The following FXR2 variants were observed in gnomAD, a reference collection of about 807,000 sequenced individuals.
The protein encoded by FXR2 is RNA-binding protein FXR2.
A neutral mutation model predicts 87.3 loss-of-function variants in FXR2; 9 were observed. That is an observed-to-expected ratio of 0.10 (90% confidence interval 0.06 to 0.18). The LOEUF (loss-of-function observed/expected upper bound fraction) is 0.18. Among genes scored for constraint, FXR2 ranks in the 10% least tolerant of loss-of-function variants. The pLI, the probability that FXR2 is intolerant of heterozygous loss-of-function variation, is 1.00. For synonymous variants in FXR2, 331 were observed against 328.3 expected, an observed-to-expected ratio of 1.01 and a Z score of -0.09; for missense variants, 661 against 893.6, an observed-to-expected ratio of 0.74 and a Z score of 3.32.
chr17:7,592,621 G>A lies in FXR2; in HGVS notation c.1730-22C>T, dbSNP rs780223151. 132 of 1,613,056 alleles carry A rather than the reference G, an allele frequency of 8.2e-5. 3 individuals are homozygous for A. Among genetic ancestry groups the A allele is most frequent in the South Asian group, 7.6e-4 (69 of 91,060 alleles). Reference sequence around the variant, plus strand: ...TCTTCTGTAGGGTAGGAAAAAACCAGAGTCACACATCCAACCTCCCACCCT... The same window carrying A: ...TCTTCTGTAGGGTAGGAAAAAACCAAAGTCACACATCCAACCTCCCACCCT... On this transcript the variant is annotated intron_variant, in intron 14 of 16. Transcript: ENST00000250113. The surrounding 1 kb of genome is among the most constrained non-coding windows in gnomAD (Gnocchi z 4.8).
At chr17:7,597,826 G>A (rs957553616) in intron 7 of FXR2, among the ~76,000 whole-genome samples, 1 of 150,786 alleles carries the variant, frequency 6.6e-6, no homozygotes, top group African/African-American at 2.4e-5. Context: ...GGGTGAGGCT[G>A]AAAGTTCCAA....
intron 1 of FXR2, 29 bp downstream of exon 1, chr17:7,614,423 C>T: frequency 4.7e-6 from 7 of 1,486,266 alleles, no homozygotes; most frequent in Non-Finnish European, 6.3e-6. Flanking sequence ...GGCTAAGGAC[C>T]GGCGTCCCCA....
At chr17:7,596,029 T>C in intron 7 of FXR2, 35 bp from the exon 8 acceptor site, 1 of 1,556,484 alleles carries the variant, frequency 6.4e-7, no homozygotes. Flanking sequence ...ATCATGGTGG[T>C]AGAATCTCAC....
intron 1 of FXR2, among the ~76,000 whole-genome samples, chr17:7,610,883 G>A (rs891094471): frequency 6.6e-6 from 1 of 152,158 alleles, no homozygotes; most frequent in African/African-American, 2.4e-5. Context: ...GAGAGCCCCA[G>A]GTTCCTAGGT....
chr17:7,602,805 A>C (rs1039652510), intron 6 of FXR2, 104 bp downstream of exon 6: 1 of 649,002 alleles, frequency 1.5e-6, no homozygotes, highest in Non-Finnish European at 2.8e-6. Context: ...TTGACAAATA[A>C]ATATAAGCAC....
At chr17:7,606,045 C>A in intron 2 of FXR2, 52 bp downstream of exon 2, 1 of 1,207,008 alleles carries the variant, frequency 8.3e-7, no homozygotes, top group Non-Finnish European at 1.2e-6. Flanking sequence ...CCCTCTTCTC[C>A]ACTCTCCTTC....
chr17:7,614,423 C>G (rs778205181), intron 1 of FXR2, 29 bp downstream of exon 1: 3 of 1,486,272 alleles, frequency 2.0e-6, no homozygotes, highest in South Asian at 1.2e-5. Flanking sequence ...GGCTAAGGAC[C>G]GGCGTCCCCA....
intron 1 of FXR2, among the ~76,000 whole-genome samples, chr17:7,612,855 G>T (rs1205301317): frequency 2.0e-5 from 3 of 151,910 alleles, no homozygotes; most frequent in Middle Eastern, 3.4e-3. Flanking sequence ...AAATAGCCGG[G>T]CATGGTGGTG....
Position 7,592,007 on chromosome 17 carries a change from A to G in FXR2, c.1927-82T>C, listed in dbSNP as rs2071665984. ...GGTGGGAGACATTCCCTACCATCCA[A>G]GCCCTCCTGGCATTTGGTGATCCAG... On this transcript the variant is annotated intron_variant, in intron 16 of 16. Transcript: ENST00000250113. The surrounding 1 kb of genome is among the most constrained non-coding windows in gnomAD (Gnocchi z 4.8). The G allele has an allele frequency of 2.5e-6, 3 of 1,194,712 alleles. No homozygotes were observed. Among genetic ancestry groups the G allele is most frequent in the Non-Finnish European group, 3.5e-6 (3 of 845,262 alleles). The allele number at this position is 1,194,712 out of a possible 1,614,324, so 74.0% of individuals were successfully genotyped here. A position where few individuals can be genotyped will look rare whatever the true frequency, so the allele number is the denominator to read the frequency against.
chr17:7,603,967 A>G (rs2071781010), intron 4 of FXR2, 42 bp downstream of exon 4: 2 of 1,607,860 alleles, frequency 1.2e-6, no homozygotes, highest in Non-Finnish European at 1.7e-6. Context: ...TGAATAACAT[A>G]TTTGTTTCAG....
At chr17:7,602,193 G>C (rs895887640) in intron 6 of FXR2, among the ~76,000 whole-genome samples, 20 of 152,226 alleles carry the variant, frequency 1.3e-4, no homozygotes, top group African/African-American at 3.6e-4. Context: ...GGAGGCCAAG[G>C]CGGGCGGATC....
rs2071696899 is a variant in FXR2 at position 7,595,092 on chromosome 17, C to T, written c.832-335G>A. Among the ~76,000 whole-genome samples, 1 of 149,316 alleles carries T rather than the reference C, an allele frequency of 6.7e-6. No individual in the cohort carries two copies. The highest frequency in any genetic ancestry group is 1.5e-5 in the Non-Finnish European group (1 of 67,438). On this transcript the variant is annotated intron_variant, in intron 8 of 16. Transcript: ENST00000250113. The surrounding 1 kb of genome is among the most constrained non-coding windows in gnomAD (Gnocchi z 4.7). The stretch of plus-strand genomic sequence containing the variant: ...TGCCACTGCACTCTAGCCCGGGCAA[C>T]AGAGTGAGTTAGACTCCATCTCATA...
At chr17:7,603,958 G>A (rs1597877533) in intron 4 of FXR2, 51 bp downstream of exon 4, 2 of 1,609,666 alleles carry the variant, frequency 1.2e-6, no homozygotes, top group East Asian at 4.5e-5. Context: ...AACTTTCTAT[G>A]AATAACATAT....
chr17:7,606,042 C>G, intron 2 of FXR2, 55 bp downstream of exon 2: 1 of 1,183,476 alleles, frequency 8.4e-7, no homozygotes, highest in Non-Finnish European at 1.2e-6. Context: ...GCCCCCTCTT[C>G]TCCACTCTCC....
rs1035363065 is a variant in FXR2, at chr17:7,614,815, C to G, written c.-283G>C. The G allele has an allele frequency of 1.1e-5, 2 of 184,552 alleles. No individual in the cohort carries two copies. Among genetic ancestry groups the G allele is most frequent in the African/African-American group, 4.8e-5 (2 of 42,070 alleles). 11.4% of individuals were successfully genotyped at this position (184,552 alleles called of 1,614,324 possible). Reference sequence around the variant, plus strand: ...CCTCAGCTTCCGCCCGCCGCCGCCCCCGCTGCTGCCTCAGTCCCGGGACCC... The same window carrying G: ...CCTCAGCTTCCGCCCGCCGCCGCCCGCGCTGCTGCCTCAGTCCCGGGACCC... On this transcript the variant is annotated 5_prime_UTR_variant, in exon 1 of 17. Transcript: ENST00000250113.
intron 1 of FXR2, 48 bp downstream of exon 1, chr17:7,614,404 A>G: frequency 7.4e-7 from 1 of 1,358,378 alleles, no homozygotes; most frequent in Non-Finnish European, 1.0e-6. Flanking sequence ...TGCTCCGGCC[A>G]GGGGAGGGGG....
At position 7,614,567 on chromosome 17, in the gene FXR2, G is replaced by A. The variant is rs753027263; in HGVS notation, c.-35C>T. The A allele has an allele frequency of 9.4e-6, 13 of 1,377,832 alleles. No homozygotes were observed. The South Asian group carries it at 1.6e-4, about 17-fold the overall frequency. 85.4% of individuals were successfully genotyped at this position (1,377,832 alleles called of 1,614,324 possible). A position where few individuals can be genotyped will look rare whatever the true frequency, so the allele number is the denominator to read the frequency against. On this transcript the variant is annotated 5_prime_UTR_variant, in exon 1 of 17. Transcript: ENST00000250113. ...ACCGCCTCCGACTCCCCCGGCGGCG[G>A]CTGCAGCAGCAGTCTGAGTGCGGGC...
At position 7,595,183 on chromosome 17, in the gene FXR2, G is replaced by A. The variant is rs554257663; in HGVS notation, c.832-426C>T. ...ACAGAGGACCTTGGCCAGGCACAGC[G>A]GCTCACACCCATAATCTCAACAGTT... On this transcript the variant is annotated intron_variant, in intron 8 of 16. Coordinates refer to ENST00000250113, the MANE Select transcript of FXR2 (RefSeq NM_004860.4). This position sits in a 1 kb window ranked among gnomAD's most constrained non-coding sequence, Gnocchi z 4.7. Among the ~76,000 whole-genome samples the A allele has an allele frequency of 1.7e-4, 26 of 151,958 alleles. No homozygotes were observed. Among genetic ancestry groups the A allele is most frequent in the South Asian group, 1.0e-3 (5 of 4,800 alleles).
chr17:7,598,275 C>A (rs938117769), intron 7 of FXR2, among the ~76,000 whole-genome samples: 2 of 151,690 alleles, frequency 1.3e-5, no homozygotes, highest in Non-Finnish European at 2.9e-5. Flanking sequence ...ACGGTGAAAC[C>A]CCATCTCTAC....
Sources: allele counts gnomAD v4.1 joint callset (sites outside exome capture counted in the v4.1 genomes callset), GRCh38; gene constraint gnomAD v4.1.1; non-coding constraint Gnocchi (gnomAD v3.1); transcripts MANE v1.5; gene names NCBI Gene and HGNC (gene_info 2026-07-23, HGNC 2026-07-21).